WLS: variants seen among roughly 807,000 people sequenced by gnomAD.
WLS encodes the protein protein wntless homolog.
A neutral mutation model predicts 62.8 loss-of-function variants in WLS; 23 were observed. The ratio of observed to expected loss-of-function variants is 0.37; its 90% CI spans 0.26 to 0.52. The LOEUF (loss-of-function observed/expected upper bound fraction) is 0.52, where lower values mean the gene tolerates loss of function less well. Ranked by LOEUF, WLS falls within the 20% of genes least tolerant of loss-of-function variation. The pLI is 0.92. For missense variants in WLS, 615 were observed against 697.3 expected (o/e 0.88, Z 1.33); for synonymous variants, 246 against 244.1 (o/e 1.01, Z -0.07).
At chr1:68,207,764 A>G (rs1571015292) in intron 1 of WLS, among the ~76,000 whole-genome samples, 1 of 152,392 alleles carries the variant, frequency 6.6e-6, no homozygotes, top group East Asian at 1.9e-4. Context: ...CTTTTGTAAA[A>G]GTGTACTAAA....
intron 1 of WLS, among the ~76,000 whole-genome samples, chr1:68,220,903 C>T (rs1173245476): frequency 6.6e-6 from 1 of 152,098 alleles, no homozygotes; most frequent in African/African-American, 2.4e-5. Flanking sequence ...TTCATATATA[C>T]ATTAATCTTG....
chr1:68,231,044 C>A (rs188857749), intron 1 of WLS, among the ~76,000 whole-genome samples: 1 of 152,230 alleles, frequency 6.6e-6, no homozygotes, highest in African/African-American at 2.4e-5. Flanking sequence ...TTAACAAAGC[C>A]GTGAAGTAAG....
At chr1:68,170,162 T>TTTTTTCTTTTC (rs749310389) in intron 2 of WLS, among the ~76,000 whole-genome samples, 24,748 of 108,058 alleles carry the variant, frequency 0.23, 1,954 homozygotes, top group East Asian at 0.37. Flanking sequence ...TACTATTTCT[T>TTTTTTCTTTTC]TTTTTTTTTT....
chr1:68,228,876 CA>C (rs1294381621), intron 1 of WLS, among the ~76,000 whole-genome samples: 2 of 67,356 alleles, frequency 3.0e-5, no homozygotes, highest in South Asian at 4.8e-4. Context: ...AAAAAGCAAG[CA>C]AAAAAATGTG....
chr1:68,107,698 G>A (rs539626703), intron 11 of WLS, among the ~76,000 whole-genome samples: 4 of 152,260 alleles, frequency 2.6e-5, no homozygotes, highest in Admixed American at 6.5e-5. Flanking sequence ...TGCGTTTTAC[G>A]TGCTTTATTG....
intron 2 of WLS, among the ~76,000 whole-genome samples, chr1:68,168,105 G>T (rs1467917534): frequency 6.6e-6 from 1 of 152,086 alleles, no homozygotes; most frequent in African/African-American, 2.4e-5. Flanking sequence ...AGCCAGAAAT[G>T]GTGGGAGGGG....
rs548550836 is a variant in WLS, at chr1:68,214,148, T to C, written c.106+18046A>G. ...TTCCAGGAATTGTCACTAATGATCTTCACCAGCAACTTGGTGCTCAACAGT... is the reference window on the plus strand; with the variant it reads ...TTCCAGGAATTGTCACTAATGATCTCCACCAGCAACTTGGTGCTCAACAGT... On this transcript the variant is annotated intron_variant, in intron 1 of 11. Transcript: ENST00000262348. Among the ~76,000 whole-genome samples, 246 of 151,314 alleles carry C rather than the reference T, an allele frequency of 1.6e-3. 1 individual carries two copies. The highest frequency in any genetic ancestry group is 5.7e-3 in the African/African-American group (234 of 41,210).
At chr1:68,132,948 T>C (rs1646548719) in intron 11 of WLS, among the ~76,000 whole-genome samples, 1 of 152,160 alleles carries the variant, frequency 6.6e-6, no homozygotes, top group Admixed American at 6.5e-5. Flanking sequence ...GAGGATTCAC[T>C]TTAGCCTGCT....
intron 5 of WLS, among the ~76,000 whole-genome samples, chr1:68,152,404 TAA>T (rs796430033): frequency 5.2e-4 from 79 of 152,196 alleles, no homozygotes; most frequent in African/African-American, 1.9e-3. Flanking sequence ...TCCCAAAGTC[TAA>T]GAGTCTGGAA....
chr1:68,162,636 C>A, intron 2 of WLS: 1 of 1,254,574 alleles, frequency 8.0e-7, no homozygotes, highest in Non-Finnish European at 1.2e-6. Context: ...GTGCTTGGTA[C>A]AGCCATGTGT....
chr1:68,197,075 A>G (rs1648706514), intron 1 of WLS, among the ~76,000 whole-genome samples: 1 of 152,122 alleles, frequency 6.6e-6, no homozygotes, highest in Non-Finnish European at 1.5e-5. Context: ...AAATGAACCT[A>G]ACCTTTTTTT....
intron 1 of WLS, among the ~76,000 whole-genome samples, chr1:68,214,182 A>AACACACACACACACAC (rs71581159): frequency 4.8e-5 from 7 of 146,512 alleles, no homozygotes; most frequent in South Asian, 2.2e-4. Flanking sequence ...GTGATCTCTG[A>AACACACACACACACAC]ACACACACAC....
In WLS at chr1:68,126,856, G is replaced by A. The variant is rs562554599; in HGVS notation, c.1517-521C>T. On this transcript the variant is annotated intron_variant, in intron 11 of 11. Transcript: ENST00000262348. ...AAACCAGCATAACACCCCTCCCAAC[G>A]GATGGGTCAGTCAGGCACCAACACA... 1.1e-3 allele frequency among the ~76,000 whole-genome samples: 165 copies of A among 152,156 alleles called. 1 individual carries two copies. Among genetic ancestry groups the A allele is most frequent in the Non-Finnish European group, 1.8e-3 (123 of 67,996 alleles).
chr1:68,201,238 GT>G (rs959333938), intron 1 of WLS, among the ~76,000 whole-genome samples: 1 of 152,276 alleles, frequency 6.6e-6, no homozygotes, highest in Admixed American at 6.5e-5. Flanking sequence ...CTGAAAGTCA[GT>G]TCCTAAAAAG....
At chr1:68,163,003 G>T in intron 2 of WLS, 2 of 1,593,050 alleles carry the variant, frequency 1.3e-6, no homozygotes, top group Non-Finnish European at 1.7e-6. Flanking sequence ...CAGGAGTGCA[G>T]GGGGCCGTTC....
chr1:68,109,460 A>C (rs1646192132), intron 11 of WLS, among the ~76,000 whole-genome samples: 1 of 152,264 alleles, frequency 6.6e-6, no homozygotes, highest in South Asian at 2.1e-4. Context: ...AAGAACTTTA[A>C]ATGTTGGAAT....
chr1:68,135,305 CTTT>C (rs71581156), intron 11 of WLS, among the ~76,000 whole-genome samples: 1,833 of 66,658 alleles, frequency 0.027, 15 homozygotes, highest in African/African-American at 0.088. Flanking sequence ...CCATGCCTGG[CTTT>C]TTTTTTTTTT....
At chr1:68,126,771 A>G (rs1004070118) in intron 11 of WLS, among the ~76,000 whole-genome samples, 1 of 152,170 alleles carries the variant, frequency 6.6e-6, no homozygotes, top group Non-Finnish European at 1.5e-5. Context: ...TGGGTGGAGG[A>G]GCAGGCCCAC....
Position 68,139,789 on chromosome 1 carries a change from G to A in WLS, c.1363-1856C>T, listed in dbSNP as rs115638122. Among the ~76,000 whole-genome samples, 340 of 152,356 alleles carry A rather than the reference G, an allele frequency of 2.2e-3. 2 individuals are homozygous for A. Among genetic ancestry groups the A allele is most frequent in the African/African-American group, 7.9e-3 (330 of 41,578 alleles). On this transcript the variant is annotated intron_variant, in intron 10 of 11. Transcript: ENST00000262348. ...GAACAGAGGTAAAGTACAGGTATGT[G>A]TAGGGACTCCAGGACAAATACATGG...
Sources: gnomAD v4.1 joint callset for allele counts (sites outside exome capture counted in the v4.1 genomes callset) on GRCh38, gnomAD v4.1.1 for gene constraint, MANE v1.5 for transcripts, NCBI Gene and HGNC (gene_info 2026-07-23, HGNC 2026-07-21) for gene names.